The following METTL15 variants were observed in gnomAD, a reference collection of about 807,000 sequenced individuals.
METTL15 encodes the protein 12S rRNA N(4)-cytidine methyltransferase METTL15.
METTL15 carries 34 observed loss-of-function variants against 38.3 expected under a neutral mutation model. The observed-to-expected ratio is 0.89, with a 90% confidence interval of 0.68 to 1.18. The LOEUF (loss-of-function observed/expected upper bound fraction) is 1.18. Ranked by LOEUF, METTL15 falls within the 50% of genes most tolerant of loss-of-function variation. The pLI is 0.00. For synonymous variants in METTL15, 162 were observed against 170.9 expected, an observed-to-expected ratio of 0.95 and a Z score of 0.41; for missense variants, 438 against 498.4, an observed-to-expected ratio of 0.88 and a Z score of 1.15.
chr11:28,223,533 A>G (rs1266847695), intron 4 of METTL15, among the ~76,000 whole-genome samples: 1 of 152,166 alleles, frequency 6.6e-6, no homozygotes, highest in Non-Finnish European at 1.5e-5. Context: ...ACAGTTTGTC[A>G]TTTTAGAGTA....
chr11:28,312,677 G>A (rs1243431043), intron 6 of METTL15, among the ~76,000 whole-genome samples: 1 of 152,158 alleles, frequency 6.6e-6, no homozygotes, highest in East Asian at 1.9e-4. Context: ...AGGCTGAGAA[G>A]TCCAAAATCA....
chr11:28,343,301 T>G (rs1849969741), intron 3 of METTL15, among the ~76,000 whole-genome samples: 1 of 152,170 alleles, frequency 6.6e-6, no homozygotes, highest in Non-Finnish European at 1.5e-5. Flanking sequence ...AATTAAACAT[T>G]TGCCTTACAA....
At chr11:28,464,155 G>C (rs993012854) in intron 6 of METTL15, among the ~76,000 whole-genome samples, 1 of 152,152 alleles carries the variant, frequency 6.6e-6, no homozygotes, top group Non-Finnish European at 1.5e-5. Flanking sequence ...GATGCAGAAA[G>C]CCTTAGTTCA....
At position 28,377,020 on chromosome 11, in the gene METTL15, G is replaced by A. The variant is rs1390902854; in HGVS notation, c.*358+14984G>A. Among the ~76,000 whole-genome samples, 22 of 128,008 alleles carry A rather than the reference G, an allele frequency of 1.7e-4. 1 individual carries two copies. The East Asian group carries it at 2.9e-3, about 17-fold the overall frequency. 84.0% of individuals were successfully genotyped at this position (128,008 alleles called of 152,430 possible). A position where few individuals can be genotyped will look rare whatever the true frequency, so the allele number is the denominator to read the frequency against. On this transcript the variant is annotated intron_variant and NMD_transcript_variant, in intron 5 of 7. Transcript: ENST00000532947. ...TCTTCTGGCTTGTAGGGTTTCTGCC[G>A]AGAGATCCGCTGTTAGTCTGATGGG...
At chr11:28,449,625 T>G (rs1851103039) in intron 6 of METTL15, among the ~76,000 whole-genome samples, 1 of 152,128 alleles carries the variant, frequency 6.6e-6, no homozygotes, top group Admixed American at 6.5e-5. Context: ...ATTTCTCCAC[T>G]TTCAAGTCAC....
At chr11:28,326,969 C>T (rs972939082) in intron 6 of METTL15, among the ~76,000 whole-genome samples, 4 of 151,914 alleles carry the variant, frequency 2.6e-5, no homozygotes, top group Non-Finnish European at 5.9e-5. Flanking sequence ...TCTTTTGTTT[C>T]TTTTTAATTT....
intron 4 of METTL15, among the ~76,000 whole-genome samples, chr11:28,244,430 T>C (rs61889024): frequency 1.9e-4 from 29 of 151,882 alleles, no homozygotes; most frequent in Non-Finnish European, 3.1e-4. Context: ...CAATTTCAGC[T>C]ACATAAGATT....
chr11:28,332,936 C>CAAAA lies in METTL15; in HGVS notation c.*2109_*2112dup, dbSNP rs71449174. On this transcript the variant is annotated 3_prime_UTR_variant, in exon 7 of 7. Coordinates refer to ENST00000407364, the MANE Select transcript of METTL15 (RefSeq NM_001113528.2). ...TGAGCAACAGAACGAGACTCTGTCT[C>CAAAA]AAAAAAAAAAAAAAAAAGGAAGAAA... 2.3e-4 allele frequency: 9 copies of CAAAA among 39,776 alleles called. No individual in the cohort carries two copies. The highest frequency in any genetic ancestry group is 3.3e-4 in the African/African-American group (2 of 6,122). The allele number at this position is 39,776 out of a possible 1,614,324, so 2.5% of individuals were successfully genotyped here. A position where few individuals can be genotyped will look rare whatever the true frequency, so the allele number is the denominator to read the frequency against.
chr11:28,506,599 T>G (rs1348834253), intron 6 of METTL15, among the ~76,000 whole-genome samples: 1 of 152,178 alleles, frequency 6.6e-6, no homozygotes, highest in Non-Finnish European at 1.5e-5. Context: ...TATCTTGTCA[T>G]ATAAAACATC....
intron 6 of METTL15, among the ~76,000 whole-genome samples, chr11:28,510,920 A>G (rs560966879): frequency 4.6e-5 from 7 of 152,264 alleles, no homozygotes; most frequent in Non-Finnish European, 7.4e-5. Flanking sequence ...GGAAATGACA[A>G]GTTGGACAGG....
intron 3 of METTL15, among the ~76,000 whole-genome samples, chr11:28,158,597 T>C (rs1463813335): frequency 6.6e-6 from 1 of 152,166 alleles, no homozygotes; most frequent in East Asian, 1.9e-4. Context: ...TAGACACTTA[T>C]TCCAGGTATG....
chr11:28,399,250 A>G (rs1850606099), intron 5 of METTL15, among the ~76,000 whole-genome samples: 1 of 152,080 alleles, frequency 6.6e-6, no homozygotes, highest in South Asian at 2.1e-4. Flanking sequence ...AGCCATTTGC[A>G]GAAAACTGAA....
chr11:28,363,130 T>C (rs1170403822), intron 5 of METTL15, among the ~76,000 whole-genome samples: 4 of 152,182 alleles, frequency 2.6e-5, no homozygotes, highest in African/African-American at 9.7e-5. Context: ...TTTTTTTATG[T>C]GTTGTTGGCC....
At chr11:28,232,029 T>C (rs1853706211) in intron 4 of METTL15, among the ~76,000 whole-genome samples, 1 of 151,834 alleles carries the variant, frequency 6.6e-6, no homozygotes, top group African/African-American at 2.4e-5. Context: ...AAAATAGAAA[T>C]TAGATATAAT....
At chr11:28,166,173 A>G (rs570189242) in intron 3 of METTL15, among the ~76,000 whole-genome samples, 2 of 152,254 alleles carry the variant, frequency 1.3e-5, no homozygotes, top group African/African-American at 4.8e-5. Flanking sequence ...CATTTCTGGG[A>G]AAAAATGACA....
intron 3 of METTL15, among the ~76,000 whole-genome samples, chr11:28,133,607 T>C (rs1849412294): frequency 6.6e-6 from 1 of 152,182 alleles, no homozygotes; most frequent in African/African-American, 2.4e-5. Context: ...TTTTGGCTTC[T>C]TCCATGCTGT....
chr11:28,502,532 T>C (rs1851593314), intron 6 of METTL15, among the ~76,000 whole-genome samples: 1 of 152,136 alleles, frequency 6.6e-6, no homozygotes, highest in African/African-American at 2.4e-5. Flanking sequence ...CTAAAGATAA[T>C]TTTCTCCTAC....
intron 3 of METTL15, chr11:28,134,569 A>G (rs1313501361): frequency 1.3e-5 from 5 of 398,408 alleles, no homozygotes; most frequent in East Asian, 3.6e-5. Context: ...GAAAAAGTGG[A>G]CGAAGACCTC....
At chr11:28,438,436 T>C (rs927346489) in intron 6 of METTL15, among the ~76,000 whole-genome samples, 9 of 152,132 alleles carry the variant, frequency 5.9e-5, no homozygotes, top group African/African-American at 2.2e-4. Context: ...GTCCCAAATA[T>C]TTTCTATTTT....
Sources: allele counts gnomAD v4.1 joint callset (sites outside exome capture counted in the v4.1 genomes callset), GRCh38; gene constraint gnomAD v4.1.1; transcripts MANE v1.5; gene names NCBI Gene and HGNC (gene_info 2026-07-23, HGNC 2026-07-21).